Variants in CADM2 observed in about 807,000 individuals in gnomAD.
CADM2 encodes the protein cell adhesion molecule 2, also known as immunoglobulin superfamily member 4D.
A neutral mutation model predicts 49.8 loss-of-function variants in CADM2; 12 were observed. The observed-to-expected ratio is 0.24, with a 90% CI of 0.15 to 0.39. CADM2 has a LOEUF of 0.39. Ranked by LOEUF, CADM2 falls within the 10% of genes least tolerant of loss-of-function variation. The pLI is 1.00. For synonymous variants in CADM2, 214 were observed against 175.4 expected (o/e 1.22, Z -1.74); for missense variants, 378 against 492.3 (o/e 0.77, Z 2.20).
intron 1 of CADM2, among the ~76,000 whole-genome samples, chr3:85,547,745 T>G (rs1041908484): frequency 6.6e-6 from 1 of 152,174 alleles, no homozygotes; most frequent in Non-Finnish European, 1.5e-5. Context: ...TGATGCATTA[T>G]TTAGACTTAG....
At chr3:85,318,895 A>G (rs749755277) in intron 1 of CADM2, among the ~76,000 whole-genome samples, 6 of 152,144 alleles carry the variant, frequency 3.9e-5, no homozygotes, top group Non-Finnish European at 7.4e-5. Context: ...ATTTTATTTC[A>G]TTCACCCTGA....
At chr3:85,379,717 G>C (rs893101599) in intron 1 of CADM2, among the ~76,000 whole-genome samples, 1 of 151,988 alleles carries the variant, frequency 6.6e-6, no homozygotes, top group Non-Finnish European at 1.5e-5. Flanking sequence ...TCAAGTAATT[G>C]TGACCCACAA....
chr3:85,100,300 G>A (rs1183921742), intron 1 of CADM2, among the ~76,000 whole-genome samples: 1 of 152,104 alleles, frequency 6.6e-6, no homozygotes, highest in Non-Finnish European at 1.5e-5. Flanking sequence ...ATAACCATCG[G>A]TTGTGGGTTG....
intron 8 of CADM2, among the ~76,000 whole-genome samples, chr3:86,057,237 G>T (rs973846595): frequency 2.0e-5 from 3 of 152,070 alleles, no homozygotes; most frequent in Non-Finnish European, 2.9e-5. Flanking sequence ...CACAAGTTAT[G>T]TATAACTGTT....
chr3:85,399,416 C>G (rs1184295999), intron 1 of CADM2, among the ~76,000 whole-genome samples: 1 of 152,296 alleles, frequency 6.6e-6, no homozygotes, highest in Non-Finnish European at 1.5e-5. Context: ...AGTGTGATGC[C>G]TCCAGCTTTG....
chr3:85,791,991 G>C (rs1666591958), intron 2 of CADM2, among the ~76,000 whole-genome samples: 1 of 152,122 alleles, frequency 6.6e-6, no homozygotes, highest in Non-Finnish European at 1.5e-5. Flanking sequence ...CCAAAGTGCT[G>C]GGATTACAGG....
chr3:85,901,847 C>T (rs781194571), intron 5 of CADM2, among the ~76,000 whole-genome samples: 1 of 152,090 alleles, frequency 6.6e-6, no homozygotes, highest in Non-Finnish European at 1.5e-5. Context: ...TACTTTCTGT[C>T]TGTATAAATT....
chr3:85,775,961 C>G (rs2070340037), intron 2 of CADM2, among the ~76,000 whole-genome samples: 1 of 151,748 alleles, frequency 6.6e-6, no homozygotes, highest in African/African-American at 2.4e-5. Context: ...GCAACTATTT[C>G]TAACACGAAT....
At chr3:85,852,457 C>A (rs2075146099) in intron 3 of CADM2, among the ~76,000 whole-genome samples, 1 of 152,166 alleles carries the variant, frequency 6.6e-6, no homozygotes. Flanking sequence ...AATAAATACT[C>A]ATTGATTCAT....
chr3:85,359,666 A>ATATATATATATATATATTTTTTTTTTT, intron 1 of CADM2, among the ~76,000 whole-genome samples: 9 of 26,552 alleles, frequency 3.4e-4, no homozygotes, highest in Admixed American at 5.8e-4. Context: ...ATATATATAT[A>ATATATATATATATATATTTTTTTTTTT]TTTTTTTTTT....
chr3:85,640,394 G>T (rs191945411), intron 1 of CADM2, among the ~76,000 whole-genome samples: 1 of 152,236 alleles, frequency 6.6e-6, no homozygotes, highest in East Asian at 1.9e-4. Flanking sequence ...AAAAAATGTG[G>T]TTTTTGAACA....
chr3:85,493,999 C>T (rs947116868), intron 1 of CADM2, among the ~76,000 whole-genome samples: 1 of 152,046 alleles, frequency 6.6e-6, no homozygotes, highest in African/African-American at 2.4e-5. Flanking sequence ...ATGTTTATGG[C>T]CTAGAAATGC....
intron 1 of CADM2, among the ~76,000 whole-genome samples, chr3:85,598,872 T>TAG (rs1401478726): frequency 2.0e-5 from 3 of 151,512 alleles, no homozygotes; most frequent in African/African-American, 7.3e-5. Context: ...TATATATATA[T>TAG]AGATTTATTA....
At chr3:85,705,023 TA>T (rs1194879313) in intron 1 of CADM2, among the ~76,000 whole-genome samples, 3 of 140,098 alleles carry the variant, frequency 2.1e-5, no homozygotes, top group African/African-American at 8.6e-5. Flanking sequence ...CACGCCTGGC[TA>T]AATTTTTTTT....
chr3:85,397,651 A>G (rs1187835985), intron 1 of CADM2, among the ~76,000 whole-genome samples: 2 of 152,174 alleles, frequency 1.3e-5, no homozygotes, highest in Admixed American at 6.6e-5. Flanking sequence ...TATTGTATGA[A>G]TCACTTACAT....
At chr3:85,370,319 G>A (rs1321615664) in intron 1 of CADM2, among the ~76,000 whole-genome samples, 1 of 151,428 alleles carries the variant, frequency 6.6e-6, no homozygotes, top group South Asian at 2.1e-4. Flanking sequence ...CTACTCCAAA[G>A]GCTGAGGCAG....
chr3:85,958,416 A>G (rs1245928883), intron 7 of CADM2, among the ~76,000 whole-genome samples: 1 of 151,982 alleles, frequency 6.6e-6, no homozygotes, highest in East Asian at 2.0e-4. Context: ...AGAACCAGAA[A>G]CACCATTTAA....
At chr3:85,305,033 T>C (rs943270088) in intron 1 of CADM2, among the ~76,000 whole-genome samples, 1 of 151,666 alleles carries the variant, frequency 6.6e-6, no homozygotes, top group Non-Finnish European at 1.5e-5. Flanking sequence ...TACAGAACAT[T>C]TTTACATCCA....
At chr3:85,482,192 G>A (rs1387427282) in intron 1 of CADM2, among the ~76,000 whole-genome samples, 1 of 151,696 alleles carries the variant, frequency 6.6e-6, no homozygotes, top group Non-Finnish European at 1.5e-5. Flanking sequence ...CTCTGGATAT[G>A]GAAAATTTTT....
Sources: gnomAD v4.1 joint callset for allele counts (sites outside exome capture counted in the v4.1 genomes callset) on GRCh38, gnomAD v4.1.1 for gene constraint, MANE v1.5 for transcripts, NCBI Gene and HGNC (gene_info 2026-07-23, HGNC 2026-07-21) for gene names.